NSD1: variants seen among roughly 807,000 people sequenced by gnomAD.
The protein encoded by NSD1 is histone-lysine N-methyltransferase, H3 lysine-36 specific.
In NSD1, 26 loss-of-function variants were observed where a neutral mutation model predicts 242.7. The ratio of observed to expected loss-of-function variants is 0.11; its 90% CI spans 0.08 to 0.15. The LOEUF is 0.15. Ranked by LOEUF, NSD1 falls within the 10% of genes least tolerant of loss-of-function variation. The pLI, the probability that NSD1 is intolerant of heterozygous loss-of-function variation, is 1.00. For missense variants in NSD1, 2,495 were observed against 3,272.8 expected, an observed-to-expected ratio of 0.76 and a Z score of 5.80; for synonymous variants, 1,106 against 1,178.1, an observed-to-expected ratio of 0.94 and a Z score of 1.25.
chr5:177,155,452 T>G lies in NSD1; in HGVS notation c.927+19422T>G, dbSNP rs1029569653. 2.0e-5 allele frequency among the ~76,000 whole-genome samples: 3 copies of G among 151,242 alleles called. No homozygotes were observed. The South Asian group carries it at 6.3e-4, about 32-fold the overall frequency. On this transcript the variant is annotated intron_variant, in intron 2 of 22. Coordinates refer to ENST00000439151, the MANE Select transcript of NSD1 (RefSeq NM_022455.5). ...CTAATTTTTGTATTTTTAGTAGAGA[T>G]GGGATTTCACCATGTCGGCTAAGCT...
rs188005698 is a variant in NSD1 at position 177,182,025 on chromosome 5, G to A, written c.928-9859G>A. Reference sequence around the variant, plus strand: ...AAATTAGCCAGGCATGGTGGCGGGCGTCTGTAGTCCTAGCTACTCGGGAGG... The same window carrying A: ...AAATTAGCCAGGCATGGTGGCGGGCATCTGTAGTCCTAGCTACTCGGGAGG... On this transcript the variant is annotated intron_variant, in intron 2 of 22. Coordinates refer to ENST00000439151, the MANE Select transcript of NSD1 (RefSeq NM_022455.5). 2.6e-3 allele frequency among the ~76,000 whole-genome samples: 391 copies of A among 152,080 alleles called. 2 individuals carry two copies. Among genetic ancestry groups the A allele is most frequent in the African/African-American group, 8.8e-3 (364 of 41,498 alleles).
At chr5:177,202,365 C>G (rs563503587) in intron 3 of NSD1, among the ~76,000 whole-genome samples, 2 of 152,054 alleles carry the variant, frequency 1.3e-5, no homozygotes, top group East Asian at 3.9e-4. Context: ...AGTTCTTGAT[C>G]TGTTAATGAA....
intron 2 of NSD1, among the ~76,000 whole-genome samples, chr5:177,180,846 C>G (rs531505624): frequency 4.7e-5 from 7 of 150,500 alleles, no homozygotes; most frequent in Non-Finnish European, 8.9e-5. Flanking sequence ...CCATGCCTGG[C>G]TAATTTTTGC....
intron 2 of NSD1, among the ~76,000 whole-genome samples, chr5:177,180,476 G>A (rs1760568425): frequency 6.6e-6 from 1 of 151,710 alleles, no homozygotes; most frequent in Non-Finnish European, 1.5e-5. Flanking sequence ...GGCTGGTCTT[G>A]AATTCCTTGG....
In NSD1 at chr5:177,238,422, G is replaced by A. The variant is rs1056366612; in HGVS notation, c.4107G>A (p.Pro1369=). 1.4e-5 allele frequency: 23 copies of A among 1,613,956 alleles called. No homozygotes were observed. In the Admixed American group the frequency reaches 1.5e-4, roughly 11 times the overall value. The change falls in exon 7 of 23, where the codon CCG becomes CCA. Residue 1369 remains proline (P), a synonymous_variant. Transcript: ENST00000439151. This position sits in a 1 kb window ranked among gnomAD's most constrained non-coding sequence, Gnocchi z 4.6. Reference sequence around the variant, plus strand: ...TTGGAGGTGGACATGCTGAGTTGCCGCAGCTGACCTTGTCTGTGCCTGTGG... The same window carrying A: ...TTGGAGGTGGACATGCTGAGTTGCCACAGCTGACCTTGTCTGTGCCTGTGG... ...SELGGGHAEL[P]QLTLSVPVAP...
intron 2 of NSD1, among the ~76,000 whole-genome samples, chr5:177,158,851 A>C (rs923414882): frequency 6.8e-6 from 1 of 146,406 alleles, no homozygotes; most frequent in African/African-American, 2.6e-5. Context: ...TAATGGCAAA[A>C]ACTGGAATTA....
chr5:177,183,223 T>A (rs1325983956), intron 2 of NSD1, among the ~76,000 whole-genome samples: 1 of 152,240 alleles, frequency 6.6e-6, no homozygotes, highest in African/African-American at 2.4e-5. Context: ...CTTAATTTGT[T>A]ATTTTTAATA....
At chr5:177,254,707 C>T (rs1413987561) in intron 12 of NSD1, among the ~76,000 whole-genome samples, 1 of 152,202 alleles carries the variant, frequency 6.6e-6, no homozygotes, top group Non-Finnish European at 1.5e-5. Flanking sequence ...CACGTCCAAC[C>T]AGTGTCACAA....
In NSD1 at chr5:177,199,635, C is replaced by CT. The variant is rs577825899; in HGVS notation, c.1064-4484dup. ...TTTTTTTTTGAGATGGAGTCTCTCT[C>CT]TGTCACCAGACTAGAGTGCAGTGGC... On this transcript the variant is annotated intron_variant, in intron 3 of 22. Transcript: ENST00000439151. 2.6e-3 allele frequency among the ~76,000 whole-genome samples: 353 copies of CT among 133,572 alleles called. 1 individual carries two copies. The highest frequency in any genetic ancestry group is 4.5e-3 in the Non-Finnish European group (292 of 64,780). The allele number at this position is 133,572 out of a possible 152,430, so 87.6% of individuals were successfully genotyped here. A position where few individuals can be genotyped will look rare whatever the true frequency, so the allele number is the denominator to read the frequency against.
chr5:177,140,692 A>G (rs1475511577), intron 2 of NSD1, among the ~76,000 whole-genome samples: 1 of 152,102 alleles, frequency 6.6e-6, no homozygotes, highest in Non-Finnish European at 1.5e-5. Flanking sequence ...TAAAAAAAAA[A>G]TGAGCACAGT....
intron 7 of NSD1, among the ~76,000 whole-genome samples, chr5:177,239,478 G>C (rs1313216519): frequency 6.6e-6 from 1 of 152,166 alleles, no homozygotes; most frequent in East Asian, 1.9e-4. Context: ...TTGTTATAAA[G>C]GCAGTTCCGT....
intron 5 of NSD1, among the ~76,000 whole-genome samples, chr5:177,231,459 T>C (rs147133841): frequency 9.2e-5 from 14 of 152,318 alleles, no homozygotes; most frequent in African/African-American, 3.1e-4. Flanking sequence ...TTATTATTAT[T>C]TTTTGAGATG....
At chr5:177,208,324 G>T (rs1051856953) in intron 4 of NSD1, among the ~76,000 whole-genome samples, 1 of 152,122 alleles carries the variant, frequency 6.6e-6, no homozygotes. Flanking sequence ...AGATGGCTTG[G>T]TTATAATCCA....
chr5:177,252,425 AAAGT>A (rs527840384), intron 12 of NSD1, among the ~76,000 whole-genome samples: 74 of 152,326 alleles, frequency 4.9e-4, no homozygotes, highest in African/African-American at 1.7e-3. Context: ...ATTTACCAAA[AAAGT>A]AAAAAGATTA....
chr5:177,293,736 G>A (rs1760041619), intron 22 of NSD1, 96 bp from the exon 23 acceptor site: 5 of 1,354,016 alleles, frequency 3.7e-6, no homozygotes, highest in Non-Finnish European at 5.2e-6. Flanking sequence ...TGTGAAGGAA[G>A]GTCATCATCC....
intron 9 of NSD1, among the ~76,000 whole-genome samples, chr5:177,245,557 T>G (rs1217507951): frequency 6.6e-6 from 1 of 152,210 alleles, no homozygotes. Context: ...ACCTCTTAGA[T>G]TCCTCTTTAT....
intron 2 of NSD1, among the ~76,000 whole-genome samples, chr5:177,170,356 AT>A (rs1011239815): frequency 1.3e-4 from 17 of 133,190 alleles, no homozygotes; most frequent in Non-Finnish European, 9.9e-5. Context: ...ATTTTATTTA[AT>A]TTTTTTTTTT....
chr5:177,207,068 C>A (rs1762929682), intron 4 of NSD1, among the ~76,000 whole-genome samples: 1 of 151,972 alleles, frequency 6.6e-6, no homozygotes, highest in South Asian at 2.1e-4. Flanking sequence ...TCCCAAGTAG[C>A]TGAGATTACA....
rs1398560583 is a variant in NSD1, at chr5:177,251,666, C to T, written c.4642-64C>T. 8.3e-6 allele frequency: 13 copies of T among 1,563,372 alleles called. No individual in the cohort carries two copies. The Admixed American group carries it at 2.2e-4, about 26-fold the overall frequency. ...ACCTTTGTTTACTTTAACCCACTGA[C>T]ACTGGTTTTACTCTTGATTCTCAAA... On this transcript the variant is annotated intron_variant, in intron 11 of 22. Transcript: ENST00000439151.
Sources: allele counts gnomAD v4.1 joint callset (sites outside exome capture counted in the v4.1 genomes callset), GRCh38; gene constraint gnomAD v4.1.1; non-coding constraint Gnocchi (gnomAD v3.1); transcripts MANE v1.5; gene names NCBI Gene and HGNC (gene_info 2026-07-23, HGNC 2026-07-21).